Variants in SLC22A3 observed in about 807,000 individuals in gnomAD.
SLC22A3 encodes the protein solute carrier family 22 member 3.
A neutral mutation model predicts 59.1 loss-of-function variants in SLC22A3; 51 were observed. That is an observed-to-expected ratio of 0.86 (90% CI 0.69 to 1.09). SLC22A3 has a LOEUF of 1.09. SLC22A3 is among the 50% of genes least tolerant of loss of function. The pLI is 0.00. For missense variants in SLC22A3, 711 were observed against 726.3 expected (o/e 0.98, Z 0.24); for synonymous variants, 325 against 292.0 (o/e 1.11, Z -1.15).
chr6:160,388,798 C>A (rs756850114), intron 1 of SLC22A3, among the ~76,000 whole-genome samples: 7 of 152,112 alleles, frequency 4.6e-5, no homozygotes, highest in Non-Finnish European at 8.8e-5. Context: ...AAGCTAACAG[C>A]AATTATCTGC....
At chr6:160,376,883 A>AT (rs1233426733) in intron 1 of SLC22A3, among the ~76,000 whole-genome samples, 3 of 152,200 alleles carry the variant, frequency 2.0e-5, no homozygotes, top group African/African-American at 7.2e-5. Flanking sequence ...TTGCACAACT[A>AT]TTATTAATGT....
At chr6:160,436,901 T>C in intron 6 of SLC22A3, 24 bp downstream of exon 6, 1 of 1,611,414 alleles carries the variant, frequency 6.2e-7, no homozygotes, top group South Asian at 1.1e-5. Context: ...GTGATGGATT[T>C]AAAAGCTTGC....
At chr6:160,383,155 T>C (rs1785859320) in intron 1 of SLC22A3, among the ~76,000 whole-genome samples, 1 of 152,244 alleles carries the variant, frequency 6.6e-6, no homozygotes, top group African/African-American at 2.4e-5. Context: ...CAACTGGATT[T>C]GTCAGCAGTT....
At chr6:160,387,217 C>T (rs1213086432) in intron 1 of SLC22A3, among the ~76,000 whole-genome samples, 1 of 152,212 alleles carries the variant, frequency 6.6e-6, no homozygotes, top group East Asian at 1.9e-4. Context: ...ACAGGCCCAG[C>T]CCAACTTTGC....
intron 5 of SLC22A3, among the ~76,000 whole-genome samples, chr6:160,422,837 T>G (rs967029634): frequency 6.6e-6 from 1 of 152,210 alleles, no homozygotes. Context: ...CCTTCTTTTT[T>G]TTTTTAAGTT....
At chr6:160,349,444 A>G (rs1784589250) in intron 1 of SLC22A3, among the ~76,000 whole-genome samples, 1 of 152,076 alleles carries the variant, frequency 6.6e-6, no homozygotes, top group Admixed American at 6.6e-5. Context: ...AACATCTGGG[A>G]TAAGTTGGGA....
Position 160,383,109 on chromosome 6 carries a change from T to C in SLC22A3, c.430-14870T>C, listed in dbSNP as rs573163358. On this transcript the variant is annotated intron_variant, in intron 1 of 10. Coordinates refer to ENST00000275300, the MANE Select transcript of SLC22A3 (RefSeq NM_021977.4). ...CAGGACATGAGGGAATGGCAGTGAA[T>C]TAGGGCTGCACTATGCCAGGAACAC... is the stretch of plus-strand genomic sequence containing the variant. 1.1e-4 allele frequency among the ~76,000 whole-genome samples: 16 copies of C among 152,260 alleles called. No homozygotes were observed. In the East Asian group the frequency reaches 2.5e-3, roughly 24 times the overall value.
At chr6:160,401,099 G>C (rs534505986) in intron 2 of SLC22A3, among the ~76,000 whole-genome samples, 2 of 151,094 alleles carry the variant, frequency 1.3e-5, no homozygotes, top group African/African-American at 4.9e-5. Context: ...TGTGTAATAG[G>C]AATACCAAAA....
intron 2 of SLC22A3, among the ~76,000 whole-genome samples, chr6:160,400,984 G>GAA (rs58532600): frequency 9.0e-4 from 71 of 78,494 alleles, no homozygotes; most frequent in South Asian, 1.9e-3. Flanking sequence ...CTCCAAAACT[G>GAA]AAAAAAAAAA....
At chr6:160,393,724 CT>C (rs1322620210) in intron 1 of SLC22A3, among the ~76,000 whole-genome samples, 1 of 152,126 alleles carries the variant, frequency 6.6e-6, no homozygotes, top group African/African-American at 2.4e-5. Flanking sequence ...TACCTTTGAC[CT>C]TTGTAAATGG....
rs1241338791 is a variant in SLC22A3, at chr6:160,436,886, G to T, written c.1073+9G>T. ...ATTCTTATGTTTGCTTGGTAAGTTT[G>T]ACTTGTGATGGATTTAAAAGCTTGC... is the stretch of plus-strand genomic sequence containing the variant. On this transcript the variant is annotated intron_variant, in intron 6 of 10. Transcript: ENST00000275300. 1 of 1,612,998 alleles carries T rather than the reference G, an allele frequency of 6.2e-7. No homozygotes were observed. Among genetic ancestry groups the T allele is most frequent in the South Asian group, 1.1e-5 (1 of 91,046 alleles).
rs148373893 is a variant in SLC22A3 at position 160,404,961 on chromosome 6, C to T, written c.534-2080C>T. Among the ~76,000 whole-genome samples, 554 of 149,860 alleles carry T rather than the reference C, an allele frequency of 3.7e-3. 4 individuals are homozygous for T. The highest frequency in any genetic ancestry group is 0.025 in the South Asian group (119 of 4,750). ...ATGTAAAATACAAAACTGTAAAACT[C>T]CTAGAGGATGGGATAGGAAAAAAAT... On this transcript the variant is annotated intron_variant, in intron 2 of 10. Transcript: ENST00000275300.
chr6:160,451,154 C>A lies in SLC22A3; in HGVS notation c.*98C>A. ...ATGCACGTGTGCATTTCAGCTACAT[C>A]ATGCCGCGCTGTTGTAATACTGTAT... On this transcript the variant is annotated 3_prime_UTR_variant, in exon 11 of 11. Transcript: ENST00000275300. 2 of 1,073,160 alleles carry A rather than the reference C, an allele frequency of 1.9e-6. No homozygotes were observed. The highest frequency in any genetic ancestry group is 2.8e-6 in the Non-Finnish European group (2 of 710,740). The allele number at this position is 1,073,160 out of a possible 1,614,324, so 66.5% of individuals were successfully genotyped here.
At chr6:160,358,654 C>G (rs1784919170) in intron 1 of SLC22A3, among the ~76,000 whole-genome samples, 1 of 152,208 alleles carries the variant, frequency 6.6e-6, no homozygotes, top group South Asian at 2.1e-4. Context: ...ATCCGGGTGG[C>G]TCTGGGGACA....
chr6:160,373,632 G>A (rs924640683), intron 1 of SLC22A3, among the ~76,000 whole-genome samples: 1 of 152,208 alleles, frequency 6.6e-6, no homozygotes, highest in Non-Finnish European at 1.5e-5. Flanking sequence ...CAGGTGCTCT[G>A]TCCCAGGGAG....
chr6:160,417,204 T>C (rs1787533295), intron 5 of SLC22A3, among the ~76,000 whole-genome samples: 1 of 152,192 alleles, frequency 6.6e-6, no homozygotes, highest in Non-Finnish European at 1.5e-5. Context: ...GAATATCAAT[T>C]CAGGGCAGAA....
chr6:160,414,445 ATGAGT>A (rs1421820516), intron 5 of SLC22A3, among the ~76,000 whole-genome samples: 1 of 152,208 alleles, frequency 6.6e-6, no homozygotes, highest in Non-Finnish European at 1.5e-5. Flanking sequence ...AAAGTGATTA[ATGAGT>A]TGAGTGTGTT....
At chr6:160,386,704 G>T (rs755363335) in intron 1 of SLC22A3, among the ~76,000 whole-genome samples, 4 of 152,228 alleles carry the variant, frequency 2.6e-5, no homozygotes, top group Non-Finnish European at 4.4e-5. Flanking sequence ...TCTTCCAAGG[G>T]CTGGCAGAGC....
At chr6:160,368,539 GTTC>G (rs1785285973) in intron 1 of SLC22A3, among the ~76,000 whole-genome samples, 1 of 152,134 alleles carries the variant, frequency 6.6e-6, no homozygotes, top group Non-Finnish European at 1.5e-5. Context: ...TTATCCCTGT[GTTC>G]CTCTGCAGCT....
Sources: allele counts gnomAD v4.1 joint callset (sites outside exome capture counted in the v4.1 genomes callset), GRCh38; gene constraint gnomAD v4.1.1; transcripts MANE v1.5; gene names NCBI Gene and HGNC (gene_info 2026-07-23, HGNC 2026-07-21).